The following TXNRD1 variants were observed in gnomAD, a reference collection of about 807,000 sequenced individuals.
TXNRD1 encodes thioredoxin reductase 1.
A neutral mutation model predicts 80.3 loss-of-function variants in TXNRD1; 57 were observed. That is an observed-to-expected ratio of 0.71 (90% CI 0.57 to 0.89). TXNRD1 has a LOEUF of 0.89. Among genes scored for constraint, TXNRD1 ranks in the 40% least tolerant of loss-of-function variants. The pLI is 0.00. For missense variants in TXNRD1, 730 were observed against 803.0 expected (o/e 0.91, Z 1.10); for synonymous variants, 291 against 285.2 (o/e 1.02, Z -0.20).
chr12:104,244,563 G>A (rs1375552976), intron 1 of TXNRD1, among the ~76,000 whole-genome samples: 1 of 152,054 alleles, frequency 6.6e-6, no homozygotes, highest in African/African-American at 2.4e-5. Flanking sequence ...TATATGTCGA[G>A]TTTCACAGAA....
Position 104,215,901 on chromosome 12 carries a change from C to A in TXNRD1, c.91+8C>A. 3 of 1,550,528 alleles carry A rather than the reference C, an allele frequency of 1.9e-6. No homozygotes were observed. Among genetic ancestry groups the A allele is most frequent in the Non-Finnish European group, 2.6e-6 (3 of 1,146,494 alleles). On this transcript the variant is annotated splice_region_variant and intron_variant, in intron 1 of 16. Coordinates refer to ENST00000525566, the MANE Select transcript of TXNRD1 (RefSeq NM_001093771.3). ...ATGGCCGCCGTAGGTCAGGTACGAC[C>A]GAGGGCGAAGGCCTGGTCCCCAGGT...
chr12:104,217,070 G>T (rs1185648168), intron 1 of TXNRD1, among the ~76,000 whole-genome samples: 2 of 152,082 alleles, frequency 1.3e-5, no homozygotes, highest in Admixed American at 1.3e-4. Flanking sequence ...TAAGGACTTG[G>T]ATTAGGGGAA....
intron 1 of TXNRD1, among the ~76,000 whole-genome samples, chr12:104,235,777 A>G (rs1039874225): frequency 4.6e-5 from 7 of 152,224 alleles, no homozygotes; most frequent in African/African-American, 1.4e-4. Context: ...CAAAATGGTC[A>G]GTAACAAACT....
chr12:104,282,574 T>C (rs1461967507), intron 3 of TXNRD1, among the ~76,000 whole-genome samples: 1 of 152,158 alleles, frequency 6.6e-6, no homozygotes, highest in South Asian at 2.1e-4. Context: ...TTCCCTACCC[T>C]ACTTTATTCT....
At chr12:104,270,969 T>G (rs2033639428) in intron 3 of TXNRD1, among the ~76,000 whole-genome samples, 1 of 151,914 alleles carries the variant, frequency 6.6e-6, no homozygotes, top group Non-Finnish European at 1.5e-5. Context: ...GCCAACATGG[T>G]GAAACCCTGT....
intron 14 of TXNRD1, among the ~76,000 whole-genome samples, chr12:104,332,618 G>A (rs1264653909): frequency 6.6e-6 from 1 of 151,900 alleles, no homozygotes; most frequent in South Asian, 2.1e-4. Flanking sequence ...GAGTGGTGGT[G>A]CATGCCTGTA....
chr12:104,226,444 GATATAAT>G (rs2032474687), intron 1 of TXNRD1, among the ~76,000 whole-genome samples: 1 of 152,114 alleles, frequency 6.6e-6, no homozygotes, highest in South Asian at 2.1e-4. Context: ...AGAAGAGCCT[GATATAAT>G]AACAGTGTAG....
chr12:104,287,036 C>A (rs998911863), intron 3 of TXNRD1: 1 of 1,387,288 alleles, frequency 7.2e-7, no homozygotes, highest in Non-Finnish European at 9.3e-7. Flanking sequence ...TTCTTCACTC[C>A]GGCATTTGCA....
chr12:104,294,291 C>CACCTTTTGCTACTGCTGG (rs2034358650), intron 4 of TXNRD1, among the ~76,000 whole-genome samples: 1 of 146,970 alleles, frequency 6.8e-6, no homozygotes, highest in Admixed American at 7.0e-5. Context: ...TGTTTCTTGA[C>CACCTTTTGCTACTGCTGG]ACCTTTTGCT....
chr12:104,310,135 AG>A (rs1181262331), intron 4 of TXNRD1: 1 of 1,458,320 alleles, frequency 6.9e-7, no homozygotes. Context: ...ATTAAAGTTA[AG>A]GCTTTTTGTT....
At chr12:104,328,450 G>T (rs1321160054) in intron 13 of TXNRD1, among the ~76,000 whole-genome samples, 1 of 151,972 alleles carries the variant, frequency 6.6e-6, no homozygotes, top group Non-Finnish European at 1.5e-5. Flanking sequence ...TTATTACCCA[G>T]TCCTTAGAAA....
chr12:104,264,455 A>G (rs770567488), intron 3 of TXNRD1, among the ~76,000 whole-genome samples: 1 of 152,176 alleles, frequency 6.6e-6, no homozygotes, highest in East Asian at 1.9e-4. Context: ...AGGTTGTTCT[A>G]TTTATTTTAT....
rs569499480 is a variant in TXNRD1, at chr12:104,349,622, A to C, written c.*1201A>C. 10 of 152,766 alleles carry C rather than the reference A, an allele frequency of 6.5e-5. No individual in the cohort carries two copies. In the East Asian group the frequency reaches 1.7e-3, roughly 26 times the overall value. The allele number at this position is 152,766 out of a possible 1,614,324, so 9.5% of individuals were successfully genotyped here. A position where few individuals can be genotyped will look rare whatever the true frequency, so the allele number is the denominator to read the frequency against. ...TAGCATTTCAACTTGCATTATTATA[A>C]AGAGGTATTAATGCCTCAGTTATGT... is the stretch of plus-strand genomic sequence containing the variant. On this transcript the variant is annotated 3_prime_UTR_variant, in exon 17 of 17. Coordinates refer to ENST00000525566, the MANE Select transcript of TXNRD1 (RefSeq NM_001093771.3).
At chr12:104,250,903 A>G (rs1316514308) in intron 1 of TXNRD1, among the ~76,000 whole-genome samples, 5 of 152,198 alleles carry the variant, frequency 3.3e-5, no homozygotes, top group Non-Finnish European at 5.9e-5. Flanking sequence ...CCAGGATGAC[A>G]GTGCTGTCAT....
chr12:104,267,791 CTTCCTTCT>C (rs2033563755), intron 3 of TXNRD1, among the ~76,000 whole-genome samples: 1 of 138,468 alleles, frequency 7.2e-6, no homozygotes, highest in Non-Finnish European at 1.5e-5. Flanking sequence ...TCCCTCCTTC[CTTCCTTCT>C]TTCCTTCCTT....
At chr12:104,320,519 C>G (rs1480728096) in intron 9 of TXNRD1, among the ~76,000 whole-genome samples, 1 of 152,090 alleles carries the variant, frequency 6.6e-6, no homozygotes, top group Non-Finnish European at 1.5e-5. Flanking sequence ...AGCAGGCTCC[C>G]TTCCAATATT....
chr12:104,309,928 T>C, intron 4 of TXNRD1: 1 of 1,536,124 alleles, frequency 6.5e-7, no homozygotes, highest in Non-Finnish European at 8.7e-7. Flanking sequence ...AGCCACTACG[T>C]ATGCCCGCCA....
At chr12:104,299,256 G>A (rs1307205152) in intron 4 of TXNRD1, among the ~76,000 whole-genome samples, 1 of 151,986 alleles carries the variant, frequency 6.6e-6, no homozygotes, top group Admixed American at 6.6e-5. Flanking sequence ...AGACACTGGA[G>A]GCTGAGAGGT....
At chr12:104,245,517 C>CAAAAAAG (rs2032961525) in intron 1 of TXNRD1, among the ~76,000 whole-genome samples, 1 of 29,262 alleles carries the variant, frequency 3.4e-5, no homozygotes, top group Non-Finnish European at 6.7e-5. Context: ...AACTCCATCT[C>CAAAAAAG]AAAAAAAAAA....
Sources: gnomAD v4.1 joint callset for allele counts (sites outside exome capture counted in the v4.1 genomes callset) on GRCh38, gnomAD v4.1.1 for gene constraint, MANE v1.5 for transcripts, NCBI Gene and HGNC (gene_info 2026-07-23, HGNC 2026-07-21) for gene names.